The following VAT1L variants were observed in gnomAD, a reference collection of about 807,000 sequenced individuals.
VAT1L encodes the protein putative NADPH-dependent quinone oxidoreductase VAT1L.
VAT1L carries 34 observed loss-of-function variants against 44.1 expected under a neutral mutation model. The ratio of observed to expected loss-of-function variants is 0.77; its 90% CI spans 0.59 to 1.03. The LOEUF is 1.03. VAT1L is among the 50% of genes least tolerant of loss of function. The pLI is 0.00. For synonymous variants in VAT1L, 253 were observed against 202.2 expected (o/e 1.25, Z -2.13); for missense variants, 615 against 538.8 (o/e 1.14, Z -1.40).
chr16:77,952,556 T>C (rs981661783), intron 7 of VAT1L, among the ~76,000 whole-genome samples: 2 of 151,890 alleles, frequency 1.3e-5, no homozygotes, highest in African/African-American at 4.8e-5. Context: ...GCACTATGCT[T>C]CCCATAAAGC....
intron 3 of VAT1L, among the ~76,000 whole-genome samples, chr16:77,858,276 G>A (rs1341825356): frequency 6.6e-6 from 1 of 152,148 alleles, no homozygotes; most frequent in Non-Finnish European, 1.5e-5. Context: ...TGACTGAGTG[G>A]GAATAGCCCT....
At chr16:77,976,296 C>T (rs902140467) in intron 8 of VAT1L, among the ~76,000 whole-genome samples, 1 of 152,186 alleles carries the variant, frequency 6.6e-6, no homozygotes, top group Non-Finnish European at 1.5e-5. Context: ...GCCATGAAAG[C>T]TCATAATAGG....
intron 6 of VAT1L, among the ~76,000 whole-genome samples, chr16:77,883,905 T>C (rs1386949472): frequency 6.6e-6 from 1 of 152,160 alleles, no homozygotes; most frequent in African/African-American, 2.4e-5. Context: ...TAAACTTTTC[T>C]GCCATCCTAG....
At chr16:77,964,073 C>T (rs1567524044) in intron 7 of VAT1L, among the ~76,000 whole-genome samples, 2 of 152,052 alleles carry the variant, frequency 1.3e-5, no homozygotes, top group South Asian at 4.1e-4. Context: ...ACCACTCTGG[C>T]CTCCTCTTAG....
At chr16:77,891,110 T>G (rs986580513) in intron 7 of VAT1L, among the ~76,000 whole-genome samples, 11 of 151,840 alleles carry the variant, frequency 7.2e-5, no homozygotes, top group African/African-American at 2.7e-4. Context: ...ATCCCAGCAC[T>G]TTGGGAGGCC....
intron 7 of VAT1L, among the ~76,000 whole-genome samples, chr16:77,941,991 CT>C: frequency 6.6e-6 from 1 of 152,114 alleles, no homozygotes; most frequent in African/African-American, 2.4e-5. Flanking sequence ...TATTTTTTTA[CT>C]TTTTAATAAT....
chr16:77,788,850 G>C lies in VAT1L; in HGVS notation c.168G>C (p.Leu56=). The change falls in exon 1 of 9, where the codon CTG becomes CTC. Residue 56 remains leucine (L), a synonymous_variant. Coordinates refer to ENST00000302536, the MANE Select transcript of VAT1L (RefSeq NM_020927.3). ...VLAGFGGLNK[L]RLFRKAMPEP... ...CTGGCTTCGGGGGGCTCAACAAGCT[G>C]CGGCTCTTCAGGAAGGCCATGCCCG... 5 of 1,579,148 alleles carry C rather than the reference G, an allele frequency of 3.2e-6. No homozygotes were observed. Among genetic ancestry groups the C allele is most frequent in the Non-Finnish European group, 4.3e-6 (5 of 1,164,020 alleles).
intron 5 of VAT1L, among the ~76,000 whole-genome samples, chr16:77,878,465 C>G (rs1011338634): frequency 6.6e-6 from 1 of 152,056 alleles, no homozygotes; most frequent in Admixed American, 6.6e-5. Context: ...TCATTCCCCC[C>G]TCCCCTGCCC....
chr16:77,803,159 A>G (rs2016094842), intron 1 of VAT1L, among the ~76,000 whole-genome samples: 1 of 152,182 alleles, frequency 6.6e-6, no homozygotes, highest in African/African-American at 2.4e-5. Context: ...TACAGGGAAG[A>G]TAATAGGGTA....
At chr16:77,938,093 G>C (rs1316513770) in intron 7 of VAT1L, among the ~76,000 whole-genome samples, 1 of 152,148 alleles carries the variant, frequency 6.6e-6, no homozygotes, top group Non-Finnish European at 1.5e-5. Context: ...GTCTACATGT[G>C]GACCACTTGG....
At chr16:77,833,370 A>G (rs2016601619) in intron 3 of VAT1L, among the ~76,000 whole-genome samples, 1 of 152,214 alleles carries the variant, frequency 6.6e-6, no homozygotes, top group Admixed American at 6.5e-5. Flanking sequence ...GAATCAGGGA[A>G]GGCATCCCCA....
chr16:77,971,386 G>C (rs1349249048), intron 7 of VAT1L, among the ~76,000 whole-genome samples: 1 of 152,156 alleles, frequency 6.6e-6, no homozygotes, highest in African/African-American at 2.4e-5. Context: ...AGAATCGTGA[G>C]AATTTTCCTG....
intron 7 of VAT1L, among the ~76,000 whole-genome samples, chr16:77,902,986 A>AAAG (rs1478512031): frequency 6.6e-6 from 1 of 151,794 alleles, no homozygotes; most frequent in Non-Finnish European, 1.5e-5. Context: ...AAAAAAAAAA[A>AAAG]AAAAGAAAGA....
intron 8 of VAT1L, among the ~76,000 whole-genome samples, chr16:77,973,313 C>A (rs1352629069): frequency 6.6e-6 from 1 of 152,116 alleles, no homozygotes; most frequent in Non-Finnish European, 1.5e-5. Context: ...GAGATGGAGT[C>A]TCACTTTATC....
Position 77,825,476 on chromosome 16 carries a change from T to C in VAT1L, c.579+15T>C, listed in dbSNP as rs2016509080. On this transcript the variant is annotated intron_variant, in intron 3 of 8. Coordinates refer to ENST00000302536, the MANE Select transcript of VAT1L (RefSeq NM_020927.3). ...GTGGGGGCGTGGTAAGTCAGCTGTT[T>C]GTAACTTCTCTTCTTTAAGGTCATG... 1 of 1,562,052 alleles carries C rather than the reference T, an allele frequency of 6.4e-7. No individual in the cohort carries two copies. Among genetic ancestry groups the C allele is most frequent in the Admixed American group, 1.9e-5 (1 of 51,926 alleles).
intron 7 of VAT1L, among the ~76,000 whole-genome samples, chr16:77,895,118 T>TACA (rs1567500925): frequency 1.3e-5 from 2 of 150,056 alleles, no homozygotes; most frequent in Non-Finnish European, 2.9e-5. Flanking sequence ...ACACACACAC[T>TACA]CACACATTTC....
intron 7 of VAT1L, among the ~76,000 whole-genome samples, chr16:77,917,102 G>A (rs1339521105): frequency 2.0e-5 from 3 of 152,170 alleles, no homozygotes; most frequent in Non-Finnish European, 4.4e-5. Flanking sequence ...TGGAGCCTCT[G>A]AAATATAAGC....
intron 7 of VAT1L, among the ~76,000 whole-genome samples, chr16:77,966,613 G>A (rs2018225435): frequency 6.6e-6 from 1 of 152,136 alleles, no homozygotes; most frequent in African/African-American, 2.4e-5. Context: ...AGAATTATGT[G>A]AGCCACATGC....
At chr16:77,840,216 C>T (rs909475361) in intron 3 of VAT1L, among the ~76,000 whole-genome samples, 2 of 152,158 alleles carry the variant, frequency 1.3e-5, no homozygotes, top group Non-Finnish European at 2.9e-5. Context: ...ACCTTGTACA[C>T]GTTTTAGTGT....
Sources: allele counts gnomAD v4.1 joint callset (sites outside exome capture counted in the v4.1 genomes callset), GRCh38; gene constraint gnomAD v4.1.1; transcripts MANE v1.5; gene names NCBI Gene and HGNC (gene_info 2026-07-23, HGNC 2026-07-21).